Variants in CDC25B observed in about 807,000 individuals in gnomAD.
CDC25B encodes M-phase inducer phosphatase 2.
Under a neutral mutation model 69.8 loss-of-function variants are expected in CDC25B, and 33 were observed. The ratio of observed to expected loss-of-function variants is 0.47; its 90% CI spans 0.36 to 0.63. The LOEUF is 0.63. Ranked by LOEUF, CDC25B falls within the 30% of genes least tolerant of loss-of-function variation. CDC25B has a pLI of 0.00. For synonymous variants in CDC25B, 341 were observed against 314.6 expected, an observed-to-expected ratio of 1.08 and a Z score of -0.89; for missense variants, 727 against 809.1, an observed-to-expected ratio of 0.90 and a Z score of 1.23.
At chr20:3,802,566 C>T (rs187527811) in intron 11 of CDC25B, among the ~76,000 whole-genome samples, 190 bp downstream of exon 11, 240 of 152,326 alleles carry the variant, frequency 1.6e-3, no homozygotes, top group African/African-American at 5.3e-3. Context: ...CTGACTCCAC[C>T]TCAAGTCAGT....
chr20:3,801,481 G>A, intron 8 of CDC25B, 93 bp downstream of exon 8: 1 of 1,413,142 alleles, frequency 7.1e-7, no homozygotes, highest in Non-Finnish European at 9.6e-7. Flanking sequence ...GGACCATGAT[G>A]TCATTCCAGT....
chr20:3,801,374 G>A lies in CDC25B; in HGVS notation c.826G>A (p.Glu276Lys). ...EEDDGFVDILESDLKDDDAVP... is the reference protein window; with the variant it reads ...EEDDGFVDILKSDLKDDDAVP... Reference sequence around the variant, plus strand: ...AGATGATGGATTTGTGGACATCCTAGAGAGTGACTTAAAGGTAAACAGCCT... The same window carrying A: ...AGATGATGGATTTGTGGACATCCTAAAGAGTGACTTAAAGGTAAACAGCCT... The change falls in exon 8 of 16, where the codon GAG becomes AAG. Residue 276 changes from glutamate to lysine, a missense_variant. Glu to Lys is a moderately conservative substitution (Grantham distance 56). Transcript: ENST00000245960. The A allele has an allele frequency of 6.2e-7, 1 of 1,612,622 alleles. No individual in the cohort carries two copies. The highest frequency in any genetic ancestry group is 8.5e-7 in the Non-Finnish European group (1 of 1,179,266).
intron 8 of CDC25B, 101 bp downstream of exon 8, chr20:3,801,489 A>C: frequency 1.4e-6 from 2 of 1,387,334 alleles, no homozygotes; most frequent in Non-Finnish European, 2.0e-6. Flanking sequence ...ATGTCATTCC[A>C]GTGTCAGAAG....
intron 1 of CDC25B, among the ~76,000 whole-genome samples, chr20:3,787,548 T>A (rs2146644234): frequency 6.6e-6 from 1 of 152,354 alleles, no homozygotes; most frequent in South Asian, 2.1e-4. Context: ...CATAAATGTA[T>A]GTGTTTGCAC....
chr20:3,787,092 T>A, exon 1 of CDC25B: 1 of 630,320 alleles, frequency 1.6e-6, no homozygotes, highest in East Asian at 2.9e-5. Context: ...ACCTGAAAAA[T>A]TCAAGAAGTT....
At chr20:3,799,525 T>TGTGTGCGCGC (rs1211874383) in intron 3 of CDC25B, among the ~76,000 whole-genome samples, 19 of 68,776 alleles carry the variant, frequency 2.8e-4, no homozygotes, top group East Asian at 9.0e-4. Flanking sequence ...TGTGTGTGTG[T>TGTGTGCGCGC]GCGCGCGCGC....
Position 3,800,461 on chromosome 20 carries a change from G to A in CDC25B, c.423-1G>A. On this transcript the variant is annotated splice_acceptor_variant, in intron 4 of 15. Transcript: ENST00000245960. LOFTEE classifies it high-confidence loss of function. Reference sequence around the variant, plus strand: ...TCACCTGTCCCCATTTCCTCCTGTAGCGAGCAGTTTGCCATCAGACGCTTC... The same window carrying A: ...TCACCTGTCCCCATTTCCTCCTGTAACGAGCAGTTTGCCATCAGACGCTTC... 6.2e-7 allele frequency: 1 copy of A among 1,614,200 alleles called. No individual in the cohort carries two copies. The highest frequency in any genetic ancestry group is 8.5e-7 in the Non-Finnish European group (1 of 1,180,024).
At chr20:3,787,646 A>T (rs2088847413) in intron 1 of CDC25B, among the ~76,000 whole-genome samples, 1 of 152,214 alleles carries the variant, frequency 6.6e-6, no homozygotes, top group Non-Finnish European at 1.5e-5. Flanking sequence ...CCAAGCTCTT[A>T]AAACAATGAA....
At chr20:3,798,646 G>A (rs74182006) in intron 3 of CDC25B, among the ~76,000 whole-genome samples, 183 bp downstream of exon 3, 1 of 152,186 alleles carries the variant, frequency 6.6e-6, no homozygotes, top group Non-Finnish European at 1.5e-5. Context: ...CCCTGTCTCA[G>A]AGAAGGATCT....
In CDC25B at chr20:3,805,816, G is replaced by GGTGGATGGCC. The variant is rs760704535; in HGVS notation, c.*873_*882dup. Reference sequence around the variant, plus strand: ...GGATGGATGGAAGGTTGGATGGATGGGTGGATGGCCGTGGATGGCCGTGGA... The same window carrying GGTGGATGGCC: ...GGATGGATGGAAGGTTGGATGGATGGGTGGATGGCCGTGGATGGCCGTGGATGGCCGTGGA... On this transcript the variant is annotated 3_prime_UTR_variant, in exon 16 of 16. Transcript: ENST00000245960. The GGTGGATGGCC allele has an allele frequency of 4.2e-5, 17 of 406,668 alleles. No homozygotes were observed. The highest frequency in any genetic ancestry group is 8.7e-5 in the Admixed American group (2 of 23,006). 25.2% of individuals were successfully genotyped at this position (406,668 alleles called of 1,614,324 possible). A position where few individuals can be genotyped will look rare whatever the true frequency, so the allele number is the denominator to read the frequency against.
intron 11 of CDC25B, 174 bp from the exon 12 acceptor site, chr20:3,802,736 C>T (rs2089330859): frequency 3.2e-6 from 2 of 629,672 alleles, no homozygotes; most frequent in Non-Finnish European, 5.7e-6. Context: ...GAAGGTTGTT[C>T]CCTGGGTGTC....
intron 6 of CDC25B, 52 bp from the exon 7 acceptor site, chr20:3,800,919 C>A: frequency 6.2e-7 from 1 of 1,612,166 alleles, no homozygotes; most frequent in Admixed American, 1.7e-5. Flanking sequence ...AGGGGGCATG[C>A]TGGGGTGGTT....
At position 3,796,658 on chromosome 20, in the gene CDC25B, C is replaced by T; in HGVS notation, c.127C>T (p.Pro43Ser). The change falls in exon 1 of 16, where the codon CCG (proline) becomes TCG (serine). Residue 43 changes from proline to serine, a missense_variant. Pro to Ser is a moderately conservative substitution (Grantham distance 74). This residue lies in a region of CDC25B where 368 missense variants were observed against 345.6 expected (regional missense o/e 1.06). Coordinates refer to ENST00000245960, the MANE Select transcript of CDC25B (RefSeq NM_021873.4). ...GGGATCTCATGGCCTCCTGGGGTCC[C>T]CGGTGCGGGCGGCCGCTTCCTCGCC... is the stretch of plus-strand genomic sequence containing the variant. ...LLGSHGLLGS[P>S]VRAAASSPVT... 6.7e-7 allele frequency: 1 copy of T among 1,500,344 alleles called. No homozygotes were observed. The highest frequency in any genetic ancestry group is 8.8e-7 in the Non-Finnish European group (1 of 1,133,826). 92.9% of individuals were successfully genotyped at this position (1,500,344 alleles called of 1,614,324 possible).
upstream of CDC25B, among the ~76,000 whole-genome samples, chr20:3,793,922 A>C (rs2088961750): frequency 6.6e-6 from 1 of 151,000 alleles, no homozygotes; most frequent in South Asian, 2.1e-4. Context: ...TACAAAGGAC[A>C]TGAACTCATC....
chr20:3,789,026 G>A (rs1384583345), intron 1 of CDC25B, among the ~76,000 whole-genome samples: 1 of 152,078 alleles, frequency 6.6e-6, no homozygotes, highest in African/African-American at 2.4e-5. Flanking sequence ...TCTACCCTTT[G>A]CCTGTAGCAG....
At chr20:3,801,901 C>T in intron 9 of CDC25B, 23 bp from the exon 10 acceptor site, 1 of 1,598,584 alleles carries the variant, frequency 6.3e-7, no homozygotes, top group South Asian at 1.1e-5. Context: ...GCACCCTGAT[C>T]CCTAACCTGC....
At chr20:3,801,655 T>A in intron 8 of CDC25B, 67 bp from the exon 9 acceptor site, 1 of 1,319,890 alleles carries the variant, frequency 7.6e-7, no homozygotes, top group Non-Finnish European at 1.0e-6. Flanking sequence ...GCTGGAGGAT[T>A]CCGGGACTGG....
rs562736426 is a variant in CDC25B, at chr20:3,801,107, G to A, written c.705+14G>A. The A allele has an allele frequency of 6.2e-7, 1 of 1,613,730 alleles. No homozygotes were observed. Among genetic ancestry groups the A allele is most frequent in the South Asian group, 1.1e-5 (1 of 91,072 alleles). The stretch of plus-strand genomic sequence containing the variant: ...CCCGACCTGATGGTACATCCAGAGA[G>A]CGGATCCCTGGGAGGGGCCTGGGGA... On this transcript the variant is annotated intron_variant, in intron 7 of 15. Coordinates refer to ENST00000245960, the MANE Select transcript of CDC25B (RefSeq NM_021873.4).
chr20:3,788,863 CTTCT>C (rs374414979), intron 1 of CDC25B, among the ~76,000 whole-genome samples: 29 of 140,178 alleles, frequency 2.1e-4, no homozygotes, highest in African/African-American at 7.5e-4. Flanking sequence ...CCTTCCTTTC[CTTCT>C]TTCTTTCCTT....
Sources: gnomAD v4.1 joint callset for allele counts (sites outside exome capture counted in the v4.1 genomes callset) on GRCh38, gnomAD v4.1.1 for gene constraint, gnomAD v4.1.1 regional missense constraint, MANE v1.5 for transcripts, NCBI Gene and HGNC (gene_info 2026-07-23, HGNC 2026-07-21) for gene names.